Variants in PDE9A observed in about 807,000 individuals in gnomAD.
PDE9A encodes phosphodiesterase 9A, also known as high affinity cGMP-specific 3',5'-cyclic phosphodiesterase 9A.
In PDE9A, 60 loss-of-function variants were observed where a neutral mutation model predicts 87.4. The ratio of observed to expected loss-of-function variants is 0.69; its 90% CI spans 0.56 to 0.85. PDE9A has a LOEUF of 0.85. PDE9A is among the 40% of genes least tolerant of loss of function. The pLI, the probability that PDE9A is intolerant of heterozygous loss-of-function variation, is 0.00. For synonymous variants in PDE9A, 272 were observed against 279.4 expected, an observed-to-expected ratio of 0.97 and a Z score of 0.27; for missense variants, 665 against 779.0, an observed-to-expected ratio of 0.85 and a Z score of 1.74.
chr21:42,769,323 ACACACG>A (rs1190894498), intron 17 of PDE9A, among the ~76,000 whole-genome samples, 168 bp downstream of exon 17: 1 of 150,706 alleles, frequency 6.6e-6, no homozygotes, highest in African/African-American at 2.5e-5. Context: ...ACACATATAC[ACACACG>A]CACACAGCTA....
intron 3 of PDE9A, among the ~76,000 whole-genome samples, chr21:42,693,542 G>A (rs567577923): frequency 1.4e-4 from 21 of 150,956 alleles, no homozygotes; most frequent in Non-Finnish European, 2.5e-4. Context: ...CACCTGCCTC[G>A]GCCCCCCAGA....
rs2054719360 is a variant in PDE9A at position 42,753,942 on chromosome 21, T to C, written c.736-48T>C. On this transcript the variant is annotated intron_variant, in intron 9 of 19. Coordinates refer to ENST00000291539, the MANE Select transcript of PDE9A (RefSeq NM_002606.3). Reference sequence around the variant, plus strand: ...AAATATCTCAGCATGCACATCACTGTCACAGGCCCACGGCGCCTGGTTAAC... The same window carrying C: ...AAATATCTCAGCATGCACATCACTGCCACAGGCCCACGGCGCCTGGTTAAC... 3.0e-6 allele frequency: 3 copies of C among 989,854 alleles called. No individual in the cohort carries two copies. In the East Asian group the frequency reaches 7.2e-5, roughly 24 times the overall value. The allele number at this position is 989,854 out of a possible 1,614,324, so 61.3% of individuals were successfully genotyped here. A position where few individuals can be genotyped will look rare whatever the true frequency, so the allele number is the denominator to read the frequency against.
At chr21:42,664,693 C>A (rs1034093463) in intron 1 of PDE9A, among the ~76,000 whole-genome samples, 1 of 152,166 alleles carries the variant, frequency 6.6e-6, no homozygotes, top group Non-Finnish European at 1.5e-5. Context: ...GGGTTCCATT[C>A]CCATCCGAAT....
chr21:42,726,592 C>CTATATATATATATATATA lies in PDE9A; in HGVS notation c.263-5178_263-5177insTATATATATATATATATA, dbSNP rs2051062252. 6.1e-4 allele frequency among the ~76,000 whole-genome samples: 45 copies of CTATATATATATATATATA among 74,218 alleles called. 7 individuals carry two copies. The highest frequency in any genetic ancestry group is 3.1e-3 in the African/African-American group (43 of 13,932). The allele number at this position is 74,218 out of a possible 152,430, so 48.7% of individuals were successfully genotyped here. On this transcript the variant is annotated intron_variant, in intron 4 of 19. Transcript: ENST00000291539. ...TATTACTGAATGCCACCACGCCTGG[C>CTATATATATATATATATA]CATATATATATATATATATATATAT...
chr21:42,754,014 G>A lies in PDE9A; in HGVS notation c.760G>A (p.Glu254Lys), dbSNP rs183475207. Residue 254 changes from glutamate (E) to lysine (K), a missense_variant, in exon 10 of 20, where the codon GAG becomes AAG. Transcript: ENST00000291539. ...GTACCTGCTCTCTCCAGAGACCATC[G>A]AGGCCCTGCGGAAGCCGACCTTTGA... ...PKYLLSPETI[E>K]ALRKPTFDVW... 1.9e-6 allele frequency: 3 copies of A among 1,613,136 alleles called. No homozygotes were observed. Among genetic ancestry groups the A allele is most frequent in the East Asian group, 2.2e-5 (1 of 44,864 alleles).
chr21:42,725,782 A>G (rs1742805832), intron 4 of PDE9A, among the ~76,000 whole-genome samples: 1 of 152,188 alleles, frequency 6.6e-6, no homozygotes, highest in African/African-American at 2.4e-5. Flanking sequence ...TGGGACTACT[A>G]CAAATACATC....
chr21:42,724,628 C>T (rs79527740), intron 4 of PDE9A: 132,494 of 980,228 alleles, frequency 0.14, 9,285 homozygotes, highest in Middle Eastern at 0.15. Context: ...ACATATATTC[C>T]ATCGGTGTAA....
intron 9 of PDE9A, 136 bp from the exon 10 acceptor site, chr21:42,753,852 ACT>A: frequency 1.9e-6 from 1 of 537,134 alleles, no homozygotes. Context: ...CAAGAGTGAG[ACT>A]CTATCTCAAA....
intron 1 of PDE9A, among the ~76,000 whole-genome samples, chr21:42,685,155 C>G (rs931695365): frequency 2.0e-5 from 3 of 152,204 alleles, no homozygotes; most frequent in Non-Finnish European, 4.4e-5. Context: ...CGGCGTGGCC[C>G]GTTCCGCGCT....
rs1246074539 is a variant in PDE9A, at chr21:42,715,814, A to C, written c.263-15956A>C. Among the ~76,000 whole-genome samples, 3 of 150,686 alleles carry C rather than the reference A, an allele frequency of 2.0e-5. No homozygotes were observed. In the East Asian group the frequency reaches 5.8e-4, roughly 29 times the overall value. Reference sequence around the variant, plus strand: ...AGAATCGGTTCTCTCAGGGCTGTACATTCCCTGGGTTTGGACAAATATATG... The same window carrying C: ...AGAATCGGTTCTCTCAGGGCTGTACCTTCCCTGGGTTTGGACAAATATATG... On this transcript the variant is annotated intron_variant, in intron 4 of 19. Transcript: ENST00000291539.
At chr21:42,721,720 A>C (rs1602264569) in intron 4 of PDE9A, among the ~76,000 whole-genome samples, 1 of 152,236 alleles carries the variant, frequency 6.6e-6, no homozygotes, top group East Asian at 1.9e-4. Context: ...CTTCCCAGGA[A>C]GAGAGACAGT....
Position 42,679,325 on chromosome 21 carries a change from G to A in PDE9A, c.70-6867G>A, listed in dbSNP as rs73905738. Among the ~76,000 whole-genome samples the A allele has an allele frequency of 4.4e-3, 673 of 152,218 alleles. 5 individuals are homozygous for A. Among genetic ancestry groups the A allele is most frequent in the African/African-American group, 0.015 (622 of 41,518 alleles). ...GGAACCCTGAGCTGCCTCATCCCTC[G>A]CTCCGTCTCCCCTCCCTCCCGCCCA... On this transcript the variant is annotated intron_variant, in intron 1 of 19. Coordinates refer to ENST00000291539, the MANE Select transcript of PDE9A (RefSeq NM_002606.3).
At chr21:42,731,250 G>A (rs111336155) in intron 4 of PDE9A, among the ~76,000 whole-genome samples, 1,696 of 152,276 alleles carry the variant, frequency 0.011, 31 homozygotes, top group African/African-American at 0.038. Context: ...GAGCCACTGC[G>A]CCCAGCGCAG....
chr21:42,769,107 T>C lies in PDE9A; in HGVS notation c.1542T>C (p.Ile514=). The C allele has an allele frequency of 6.2e-7, 1 of 1,613,976 alleles. No individual in the cohort carries two copies. Among genetic ancestry groups the C allele is most frequent in the Non-Finnish European group, 8.5e-7 (1 of 1,179,892 alleles). ...RDKVTKATAQ[I]GFIKFVLIPM... ...AAGTGACCAAGGCCACAGCCCAGATTGGGTTCATCAAGTTTGTCCTGATCC... is the reference window on the plus strand; with the variant it reads ...AAGTGACCAAGGCCACAGCCCAGATCGGGTTCATCAAGTTTGTCCTGATCC... The change falls in exon 17 of 20, where the codon ATT becomes ATC. Residue 514 remains isoleucine (I), a synonymous_variant. Transcript: ENST00000291539.
At chr21:42,717,946 T>G (rs530873533) in intron 4 of PDE9A, among the ~76,000 whole-genome samples, 2 of 151,382 alleles carry the variant, frequency 1.3e-5, no homozygotes, top group East Asian at 3.9e-4. Flanking sequence ...TGAGATGAAG[T>G]TTTTGCTCTG....
At chr21:42,718,065 C>T (rs4919997) in intron 4 of PDE9A, among the ~76,000 whole-genome samples, 1 of 151,116 alleles carries the variant, frequency 6.6e-6, no homozygotes, top group Non-Finnish European at 1.5e-5. Flanking sequence ...CCCGCCACCA[C>T]GCCCAACTAA....
intron 1 of PDE9A, among the ~76,000 whole-genome samples, chr21:42,662,053 T>TG (rs1485935956): frequency 1.3e-5 from 2 of 152,148 alleles, no homozygotes; most frequent in African/African-American, 4.8e-5. Flanking sequence ...CTCTGTGAAG[T>TG]GGGGGGAAGT....
chr21:42,685,467 C>T (rs866140260), intron 1 of PDE9A, among the ~76,000 whole-genome samples: 5,187 of 115,992 alleles, frequency 0.045, 398 homozygotes, highest in African/African-American at 0.17. Flanking sequence ...GAAAGGCAGT[C>T]TTTTTTTTTT....
chr21:42,694,758 G>A lies in PDE9A; in HGVS notation c.219-4210G>A, dbSNP rs1293985021. Among the ~76,000 whole-genome samples the A allele has an allele frequency of 6.6e-6, 1 of 152,090 alleles. No individual in the cohort carries two copies. Among genetic ancestry groups the A allele is most frequent in the African/African-American group, 2.4e-5 (1 of 41,406 alleles). ...AGTCCTGCTACCTTCCAGAAAAATA[G>A]GCTCCAAACACACTTTCATCCCATC... On this transcript the variant is annotated intron_variant, in intron 3 of 19. Coordinates refer to ENST00000291539, the MANE Select transcript of PDE9A (RefSeq NM_002606.3). The surrounding 1 kb of genome is among the most constrained non-coding windows in gnomAD (Gnocchi z 5.3).
Sources: allele counts gnomAD v4.1 joint callset (sites outside exome capture counted in the v4.1 genomes callset), GRCh38; gene constraint gnomAD v4.1.1; non-coding constraint Gnocchi (gnomAD v3.1); transcripts MANE v1.5; gene names NCBI Gene and HGNC (gene_info 2026-07-23, HGNC 2026-07-21).